NOL10: variants seen among roughly 807,000 people sequenced by gnomAD.
NOL10 encodes the protein H_NH0074G24.1.
In NOL10, 58 loss-of-function variants were observed where a neutral mutation model predicts 103.5. The observed-to-expected ratio is 0.56, with a 90% CI of 0.45 to 0.70. The LOEUF is 0.70. Among genes scored for constraint, NOL10 ranks in the 30% least tolerant of loss-of-function variants. NOL10 has a pLI of 0.00. For missense variants in NOL10, 763 were observed against 807.3 expected, an observed-to-expected ratio of 0.95 and a Z score of 0.67; for synonymous variants, 287 against 282.5, an observed-to-expected ratio of 1.02 and a Z score of -0.16.
intron 11 of NOL10, 128 bp from the exon 12 acceptor site, chr2:10,654,675 A>C: frequency 2.0e-6 from 1 of 505,972 alleles, no homozygotes; most frequent in East Asian, 3.3e-5. Context: ...TTCAAATACA[A>C]AATTTAAATT....
intron 16 of NOL10, among the ~76,000 whole-genome samples, chr2:10,601,226 G>A (rs1367908790): frequency 6.6e-6 from 1 of 152,066 alleles, no homozygotes; most frequent in Non-Finnish European, 1.5e-5. Flanking sequence ...ACAACGTCTG[G>A]CTAATTTTTT....
chr2:10,633,990 T>C (rs967483087), intron 13 of NOL10, among the ~76,000 whole-genome samples: 1 of 152,100 alleles, frequency 6.6e-6, no homozygotes, highest in Non-Finnish European at 1.5e-5. Flanking sequence ...CCACACCTGG[T>C]TAATTTTTAA....
At chr2:10,639,783 T>G (rs1425573593) in intron 13 of NOL10, among the ~76,000 whole-genome samples, 1 of 152,074 alleles carries the variant, frequency 6.6e-6, no homozygotes, top group Non-Finnish European at 1.5e-5. Flanking sequence ...GCAGACGAAT[T>G]AGACCCTGGA....
At chr2:10,676,286 C>G (rs1222626093) in intron 3 of NOL10, among the ~76,000 whole-genome samples, 1 of 152,204 alleles carries the variant, frequency 6.6e-6, no homozygotes, top group East Asian at 1.9e-4. Context: ...TCCATACTTT[C>G]AATCTATATT....
At chr2:10,637,151 T>C (rs1163351539) in intron 13 of NOL10, among the ~76,000 whole-genome samples, 1 of 125,376 alleles carries the variant, frequency 8.0e-6, no homozygotes, top group Non-Finnish European at 1.6e-5. Flanking sequence ...ATTGTGCTAC[T>C]GCACTCTAAT....
intron 19 of NOL10, among the ~76,000 whole-genome samples, chr2:10,583,664 A>G (rs964736064): frequency 2.0e-5 from 3 of 152,230 alleles, no homozygotes; most frequent in Non-Finnish European, 2.9e-5. Flanking sequence ...ATTATTAGGA[A>G]CTGATGGTGG....
At chr2:10,580,874 GT>G (rs931355081) in intron 19 of NOL10, among the ~76,000 whole-genome samples, 1 of 152,064 alleles carries the variant, frequency 6.6e-6, no homozygotes, top group African/African-American at 2.4e-5. Flanking sequence ...ATTGAGAAGA[GT>G]TAATTAACTC....
At position 10,627,808 on chromosome 2, in the gene NOL10, A is replaced by ACT. The variant is rs1677574694; in HGVS notation, c.1026+16510_1026+16511dup. 2.0e-5 allele frequency among the ~76,000 whole-genome samples: 3 copies of ACT among 152,074 alleles called. No homozygotes were observed. The South Asian group carries it at 6.2e-4, about 32-fold the overall frequency. ...GGATACTATGCTCACTTCCAGGGTG[A>ACT]CTGGTTGAATCGCATCCTAAACCTC... On this transcript the variant is annotated intron_variant, in intron 13 of 20. Transcript: ENST00000381685.
chr2:10,615,292 T>G (rs1676773797), intron 13 of NOL10, among the ~76,000 whole-genome samples: 1 of 152,178 alleles, frequency 6.6e-6, no homozygotes, highest in Non-Finnish European at 1.5e-5. Context: ...GACTTAATAT[T>G]TGAAAAGATA....
intron 18 of NOL10, 102 bp from the exon 19 acceptor site, chr2:10,589,392 C>T (rs1675284330): frequency 1.4e-6 from 2 of 1,457,556 alleles, no homozygotes; most frequent in African/African-American, 2.8e-5. Context: ...TGCCTAACAG[C>T]TGCTCTACTG....
At chr2:10,632,541 G>T (rs754926817) in intron 13 of NOL10, among the ~76,000 whole-genome samples, 1 of 152,138 alleles carries the variant, frequency 6.6e-6, no homozygotes, top group South Asian at 2.1e-4. Context: ...TTTGCAAATT[G>T]TAAGTAACTG....
rs1277668594 is a variant in NOL10, at chr2:10,664,026, CAGG to C, written c.592-985_592-983del. Among the ~76,000 whole-genome samples the C allele has an allele frequency of 1.3e-4, 20 of 151,562 alleles. No individual in the cohort carries two copies. In the South Asian group the frequency reaches 4.2e-3, roughly 32 times the overall value. ...AATCCCACACACTAGGAGGCTGAGG[CAGG>C]AGAATTGCTTGAACCCGGGAGGCAG... On this transcript the variant is annotated intron_variant, in intron 8 of 20. Coordinates refer to ENST00000381685, the MANE Select transcript of NOL10 (RefSeq NM_024894.4).
chr2:10,679,711 C>T (rs565043641), intron 3 of NOL10, among the ~76,000 whole-genome samples: 1 of 152,186 alleles, frequency 6.6e-6, no homozygotes, highest in Admixed American at 6.5e-5. Context: ...CTGCAACCTC[C>T]GCCACATGGG....
chr2:10,684,113 T>C (rs906415785), intron 2 of NOL10, among the ~76,000 whole-genome samples: 2 of 151,528 alleles, frequency 1.3e-5, no homozygotes, highest in Non-Finnish European at 2.9e-5. Flanking sequence ...ACCCCATCTC[T>C]ACTAAAAATA....
chr2:10,668,336 A>C (rs1170420496), intron 7 of NOL10, among the ~76,000 whole-genome samples: 1 of 152,214 alleles, frequency 6.6e-6, no homozygotes, highest in African/African-American at 2.4e-5. Flanking sequence ...AAATTAATTC[A>C]AAAGTTCTCC....
chr2:10,586,985 A>C (rs1040678375), intron 19 of NOL10, among the ~76,000 whole-genome samples: 1 of 147,858 alleles, frequency 6.8e-6, no homozygotes, highest in African/African-American at 2.5e-5. Context: ...GGAAATCAAA[A>C]GTTGTATGTG....
At chr2:10,688,845 A>G (rs1682404236) in intron 1 of NOL10, among the ~76,000 whole-genome samples, 2 of 152,262 alleles carry the variant, frequency 1.3e-5, no homozygotes, top group South Asian at 4.1e-4. Flanking sequence ...ACTGGAAGAC[A>G]GGGAATTATT....
chr2:10,595,144 CAGAGAGAGAG>C (rs77723934), intron 17 of NOL10, among the ~76,000 whole-genome samples: 48 of 124,146 alleles, frequency 3.9e-4, no homozygotes, highest in Admixed American at 7.5e-4. Flanking sequence ...GGGGAGGGGG[CAGAGAGAGAG>C]AGAGAGAGAG....
At chr2:10,633,875 G>A (rs1678012774) in intron 13 of NOL10, among the ~76,000 whole-genome samples, 1 of 151,928 alleles carries the variant, frequency 6.6e-6, no homozygotes, top group South Asian at 2.1e-4. Flanking sequence ...CACCCAGGCT[G>A]GAGTGCAGTA....
Sources: gnomAD v4.1 joint callset for allele counts (sites outside exome capture counted in the v4.1 genomes callset) on GRCh38, gnomAD v4.1.1 for gene constraint, MANE v1.5 for transcripts, NCBI Gene and HGNC (gene_info 2026-07-23, HGNC 2026-07-21) for gene names.